METTL24: variants seen among roughly 807,000 people sequenced by gnomAD.
The protein encoded by METTL24 is probable methyltransferase-like protein 24.
METTL24 carries 29 observed loss-of-function variants against 32.7 expected under a neutral mutation model. The ratio of observed to expected loss-of-function variants is 0.89; its 90% CI spans 0.66 to 1.21. METTL24 has a LOEUF of 1.21. METTL24 is among the 50% of genes most tolerant of loss of function. The pLI is 0.00. For synonymous variants in METTL24, 163 were observed against 179.5 expected (o/e 0.91, Z 0.73); for missense variants, 439 against 468.1 (o/e 0.94, Z 0.57).
intron 4 of METTL24, among the ~76,000 whole-genome samples, chr6:110,274,897 C>T (rs1277935849): frequency 1.3e-5 from 2 of 148,650 alleles, no homozygotes; most frequent in Non-Finnish European, 3.0e-5. Flanking sequence ...CTCTCAGGCT[C>T]AACCATTCCT....
intron 1 of METTL24, among the ~76,000 whole-genome samples, chr6:110,335,928 T>C (rs567884620): frequency 6.6e-5 from 10 of 152,298 alleles, no homozygotes; most frequent in African/African-American, 2.4e-4. Context: ...AACCCAGGTC[T>C]GAGTTTTATC....
chr6:110,285,067 C>T (rs1224970705), intron 4 of METTL24, among the ~76,000 whole-genome samples: 1 of 152,338 alleles, frequency 6.6e-6, no homozygotes, highest in South Asian at 2.1e-4. Context: ...CAGGCATGTG[C>T]TATAAAACTA....
chr6:110,330,330 C>T (rs147242549), intron 1 of METTL24, among the ~76,000 whole-genome samples: 54 of 152,222 alleles, frequency 3.5e-4, no homozygotes, highest in Non-Finnish European at 6.5e-4. Context: ...ATGTCTGTCT[C>T]TCTCTTCCCG....
intron 1 of METTL24, among the ~76,000 whole-genome samples, chr6:110,343,212 G>C (rs1408028084): frequency 1.3e-5 from 2 of 152,044 alleles, no homozygotes; most frequent in African/African-American, 2.4e-5. Context: ...AAGACAGGAA[G>C]AAAGGGAAAA....
chr6:110,326,489 G>A (rs78940838), intron 1 of METTL24, among the ~76,000 whole-genome samples: 3,981 of 152,268 alleles, frequency 0.026, 189 homozygotes, highest in African/African-American at 0.09. Flanking sequence ...TATGCTTATG[G>A]TGAGTGAGGA....
At chr6:110,294,952 T>C (rs1305182864) in intron 4 of METTL24, among the ~76,000 whole-genome samples, 1 of 151,900 alleles carries the variant, frequency 6.6e-6, no homozygotes, top group East Asian at 1.9e-4. Flanking sequence ...TTTACCAATT[T>C]GATAAGTAAA....
At chr6:110,349,984 T>C (rs1772560922) in intron 1 of METTL24, among the ~76,000 whole-genome samples, 1 of 152,212 alleles carries the variant, frequency 6.6e-6, no homozygotes, top group African/African-American at 2.4e-5. Flanking sequence ...ATGCCTCTGA[T>C]AGAACCTCGG....
chr6:110,302,482 T>TACACACATATGTGTATATATACACATAC (rs1771536767), intron 3 of METTL24, among the ~76,000 whole-genome samples: 1 of 71,902 alleles, frequency 1.4e-5, no homozygotes, highest in Non-Finnish European at 2.5e-5. Flanking sequence ...TATACACATA[T>TACACACATATGTGTATATATACACATAC]ACACACATAT....
chr6:110,307,888 C>T (rs777681603), intron 3 of METTL24, among the ~76,000 whole-genome samples: 3 of 152,164 alleles, frequency 2.0e-5, no homozygotes, highest in Non-Finnish European at 4.4e-5. Flanking sequence ...TGTAATTCAT[C>T]CTGACAATAT....
chr6:110,355,531 G>C (rs1772683703), intron 1 of METTL24, among the ~76,000 whole-genome samples: 1 of 151,972 alleles, frequency 6.6e-6, no homozygotes. Context: ...GCTTCTCTTT[G>C]TTAGCCACAC....
At chr6:110,335,585 T>G (rs1772207793) in intron 1 of METTL24, among the ~76,000 whole-genome samples, 2 of 147,010 alleles carry the variant, frequency 1.4e-5, no homozygotes, top group African/African-American at 5.0e-5. Context: ...TTTTTTTTTT[T>G]TTTTTTTTTA....
intron 1 of METTL24, among the ~76,000 whole-genome samples, chr6:110,334,693 T>C (rs145483099): frequency 8.5e-5 from 13 of 152,310 alleles, no homozygotes; most frequent in South Asian, 2.1e-4. Context: ...CCACTGAATA[T>C]GTCATTGGTT....
chr6:110,266,285 C>T (rs1770856891), intron 4 of METTL24, among the ~76,000 whole-genome samples: 1 of 152,060 alleles, frequency 6.6e-6, no homozygotes, highest in South Asian at 2.1e-4. Flanking sequence ...ATACATCCAA[C>T]ATATTCTAGT....
At chr6:110,297,031 A>T (rs372134081) in intron 4 of METTL24, among the ~76,000 whole-genome samples, 3 of 152,374 alleles carry the variant, frequency 2.0e-5, no homozygotes, top group East Asian at 3.9e-4. Flanking sequence ...TCTATGGAAG[A>T]ATATCAATAT....
chr6:110,284,163 C>G (rs1390646192), intron 4 of METTL24, among the ~76,000 whole-genome samples: 6 of 152,054 alleles, frequency 3.9e-5, no homozygotes, highest in African/African-American at 1.2e-4. Context: ...CTAGATTAGG[C>G]AAATTCATAG....
At chr6:110,357,887 G>T (rs553879916) in intron 1 of METTL24, 68 bp downstream of exon 1, 40 of 951,422 alleles carry the variant, frequency 4.2e-5, no homozygotes, top group Non-Finnish European at 5.3e-5. Context: ...CCTGAGCGCC[G>T]GGCTCCGTAG....
At chr6:110,332,289 A>C (rs904620168) in intron 1 of METTL24, among the ~76,000 whole-genome samples, 1 of 152,262 alleles carries the variant, frequency 6.6e-6, no homozygotes, top group Admixed American at 6.5e-5. Context: ...TTTGTTCTTA[A>C]ATTGACATCT....
chr6:110,271,886 G>C (rs1371603131), intron 4 of METTL24, among the ~76,000 whole-genome samples: 3 of 152,068 alleles, frequency 2.0e-5, no homozygotes, highest in Admixed American at 2.0e-4. Flanking sequence ...TTTCTTTCTA[G>C]ACAAAAACCC....
At chr6:110,330,844 T>A (rs1234070852) in intron 1 of METTL24, among the ~76,000 whole-genome samples, 2 of 152,222 alleles carry the variant, frequency 1.3e-5, no homozygotes, top group African/African-American at 4.8e-5. Flanking sequence ...AACTCGGCCT[T>A]ATAATATTCA....
Sources: allele counts gnomAD v4.1 joint callset (sites outside exome capture counted in the v4.1 genomes callset), GRCh38; gene constraint gnomAD v4.1.1; transcripts MANE v1.5; gene names NCBI Gene and HGNC (gene_info 2026-07-23, HGNC 2026-07-21).